The following WDFY3 variants were observed in gnomAD, a reference collection of about 807,000 sequenced individuals.
The protein encoded by WDFY3 is WD repeat and FYVE domain containing 3, also known as WD repeat and FYVE domain-containing protein 3.
In WDFY3, 66 loss-of-function variants were observed where a neutral mutation model predicts 409.6. The observed-to-expected ratio is 0.16, with a 90% CI of 0.13 to 0.20. The LOEUF (loss-of-function observed/expected upper bound fraction) is 0.20. WDFY3 is among the 10% of genes least tolerant of loss of function. The pLI, the probability that WDFY3 is intolerant of heterozygous loss-of-function variation, is 1.00. For synonymous variants in WDFY3, 1,521 were observed against 1,537.1 expected, an observed-to-expected ratio of 0.99 and a Z score of 0.25; for missense variants, 3,031 against 4,298.1, an observed-to-expected ratio of 0.71 and a Z score of 8.24.
At chr4:84,914,835 CAA>C (rs1768264887) in intron 2 of WDFY3, among the ~76,000 whole-genome samples, 1 of 152,018 alleles carries the variant, frequency 6.6e-6, no homozygotes, top group African/African-American at 2.4e-5. Context: ...ATTCTGTTTT[CAA>C]AAGAGTTGAA....
At chr4:84,843,256 C>T (rs1282472613) in intron 5 of WDFY3, among the ~76,000 whole-genome samples, 2 of 152,130 alleles carry the variant, frequency 1.3e-5, no homozygotes, top group African/African-American at 4.8e-5. Flanking sequence ...ACTCCATCGA[C>T]AAAACAAACT....
chr4:84,874,712 A>G (rs1578925759), intron 3 of WDFY3, among the ~76,000 whole-genome samples: 2 of 152,056 alleles, frequency 1.3e-5, no homozygotes, highest in South Asian at 4.2e-4. Context: ...GTCTTCCCCA[A>G]ATCTCCAGGC....
intron 37 of WDFY3, among the ~76,000 whole-genome samples, chr4:84,742,579 A>G (rs895532761): frequency 2.6e-5 from 4 of 152,126 alleles, no homozygotes; most frequent in African/African-American, 9.7e-5. Flanking sequence ...GGAACGGACC[A>G]CACAGCAAGA....
chr4:84,838,328 C>T (rs896599348), intron 6 of WDFY3, among the ~76,000 whole-genome samples: 2 of 152,210 alleles, frequency 1.3e-5, no homozygotes, highest in African/African-American at 2.4e-5. Flanking sequence ...AGGTTCATCA[C>T]TTACATACCC....
chr4:84,678,069 T>A, intron 66 of WDFY3, 99 bp downstream of exon 66: 1 of 737,848 alleles, frequency 1.4e-6, no homozygotes, highest in Non-Finnish European at 2.4e-6. Flanking sequence ...ATAATACAAA[T>A]AAAATCTGTT....
chr4:84,942,953 C>T (rs372006578), intron 1 of WDFY3, among the ~76,000 whole-genome samples: 3 of 152,046 alleles, frequency 2.0e-5, no homozygotes, highest in African/African-American at 7.2e-5. Flanking sequence ...CTTTTACTTA[C>T]GTATATACAG....
Position 84,727,248 on chromosome 4 carries a change from A to C in WDFY3, c.7222-337T>G, listed in dbSNP as rs192973598. Among the ~76,000 whole-genome samples the C allele has an allele frequency of 6.4e-4, 98 of 152,148 alleles. No individual in the cohort carries two copies. In the East Asian group the frequency reaches 9.5e-3, roughly 15 times the overall value. ...CTCTTTACATTGTTTAAAAAAAAAAACAAAAAACAAAAAACCTGAAATCAG... is the reference window on the plus strand; with the variant it reads ...CTCTTTACATTGTTTAAAAAAAAAACCAAAAAACAAAAAACCTGAAATCAG... On this transcript the variant is annotated intron_variant, in intron 44 of 67. Transcript: ENST00000295888.
intron 62 of WDFY3, among the ~76,000 whole-genome samples, chr4:84,687,386 G>A (rs183694933): frequency 2.0e-5 from 3 of 151,974 alleles, no homozygotes; most frequent in South Asian, 2.1e-4. Flanking sequence ...CAAATGATCC[G>A]CCTGCACTGA....
intron 2 of WDFY3, among the ~76,000 whole-genome samples, chr4:84,911,568 C>T (rs1767797327): frequency 6.6e-6 from 1 of 152,150 alleles, no homozygotes; most frequent in Non-Finnish European, 1.5e-5. Flanking sequence ...GACCCTTAAC[C>T]AACACAGGTT....
At chr4:84,867,567 A>C (rs1306325975) in intron 3 of WDFY3, among the ~76,000 whole-genome samples, 2 of 152,226 alleles carry the variant, frequency 1.3e-5, no homozygotes, top group East Asian at 3.8e-4. Flanking sequence ...CTGCAAACCC[A>C]GATAGTATTT....
chr4:84,898,372 C>A (rs866437934), intron 2 of WDFY3, among the ~76,000 whole-genome samples: 10 of 152,272 alleles, frequency 6.6e-5, no homozygotes, highest in Middle Eastern at 3.4e-3. Context: ...AATTGCCACA[C>A]CAGTGATTCA....
intron 4 of WDFY3, among the ~76,000 whole-genome samples, chr4:84,857,090 TAAGA>T (rs1759860406): frequency 6.6e-6 from 1 of 152,214 alleles, no homozygotes; most frequent in Non-Finnish European, 1.5e-5. Context: ...TTTCATTAGT[TAAGA>T]GTTTACTGAA....
chr4:84,824,780 A>G (rs1754610442), intron 10 of WDFY3, among the ~76,000 whole-genome samples: 1 of 152,146 alleles, frequency 6.6e-6, no homozygotes, highest in Non-Finnish European at 1.5e-5. Flanking sequence ...GTAAAAGACA[A>G]CCTATTCCAC....
chr4:84,912,941 A>T (rs1767990189), intron 2 of WDFY3, among the ~76,000 whole-genome samples: 1 of 152,172 alleles, frequency 6.6e-6, no homozygotes, highest in Non-Finnish European at 1.5e-5. Flanking sequence ...ACCAAATGCC[A>T]GTATTTTGGT....
chr4:84,785,929 T>C (rs751249999), intron 24 of WDFY3, 50 bp downstream of exon 24: 7 of 1,597,840 alleles, frequency 4.4e-6, no homozygotes, highest in Non-Finnish European at 4.3e-6. Context: ...CTCTGAGACA[T>C]GTTCCCAGTG....
chr4:84,689,088 TA>T (rs1345104581), intron 61 of WDFY3, among the ~76,000 whole-genome samples: 2 of 152,232 alleles, frequency 1.3e-5, no homozygotes, highest in Non-Finnish European at 2.9e-5. Context: ...CACTAGAATG[TA>T]AGAGGTTGCC....
At chr4:84,724,316 A>C in intron 46 of WDFY3, 110 bp downstream of exon 46, 2 of 1,251,126 alleles carry the variant, frequency 1.6e-6, no homozygotes, top group Non-Finnish European at 2.2e-6. Context: ...ATGTGTATGG[A>C]TATTTTTAAA....
rs1747762475 is a variant in WDFY3, at chr4:84,787,482, A to G, written c.3901T>C (p.Cys1301Arg). The stretch of plus-strand genomic sequence containing the variant: ...CAAGAACTAAAAATAAGTTACTCAC[A>G]TGGCATACATACAGCCTGAAAGCTT... ...VGSFQAVCMP[C>R]KDAKSEGVVP... The change falls in exon 23 of 68, where the codon TGT (cysteine) becomes CGT (arginine). Residue 1301 changes from cysteine (C) to arginine (R), a missense_variant and splice_region_variant. Around this residue, in one of 16 missense-constraint regions of WDFY3, gnomAD observed 1,322 missense variants for 1,697.9 expected, o/e 0.78. Transcript: ENST00000295888. 6.2e-7 allele frequency: 1 copy of G among 1,611,400 alleles called. No homozygotes were observed. The highest frequency in any genetic ancestry group is 2.2e-5 in the East Asian group (1 of 44,816).
chr4:84,719,209 C>A (rs1473719904), intron 47 of WDFY3, among the ~76,000 whole-genome samples: 1 of 152,168 alleles, frequency 6.6e-6, no homozygotes, highest in Admixed American at 6.5e-5. Context: ...GGAAATGGAA[C>A]TGTAGAATTT....
Sources: gnomAD v4.1 joint callset for allele counts (sites outside exome capture counted in the v4.1 genomes callset) on GRCh38, gnomAD v4.1.1 for gene constraint, gnomAD v4.1.1 regional missense constraint, MANE v1.5 for transcripts, NCBI Gene and HGNC (gene_info 2026-07-23, HGNC 2026-07-21) for gene names.